NRXN3: variants seen among roughly 807,000 people sequenced by gnomAD.
NRXN3 encodes neurexin III.
A neutral mutation model predicts 137.6 loss-of-function variants in NRXN3; 32 were observed. The observed-to-expected ratio is 0.23, with a 90% CI of 0.18 to 0.31. The LOEUF is 0.31. Ranked by LOEUF, NRXN3 falls within the 10% of genes least tolerant of loss-of-function variation. NRXN3 has a pLI of 1.00. For synonymous variants in NRXN3, 798 were observed against 784.5 expected (o/e 1.02, Z -0.29); for missense variants, 1,574 against 2,062.5 (o/e 0.76, Z 4.59).
At chr14:79,357,188 A>G (rs1312334352) in intron 15 of NRXN3, among the ~76,000 whole-genome samples, 1 of 152,112 alleles carries the variant, frequency 6.6e-6, no homozygotes, top group Non-Finnish European at 1.5e-5. Context: ...ATGAAGTAAT[A>G]CAAGAGACAT....
At chr14:78,280,164 A>G (rs1014008987) in intron 3 of NRXN3, among the ~76,000 whole-genome samples, 9 of 152,324 alleles carry the variant, frequency 5.9e-5, no homozygotes, top group African/African-American at 2.2e-4. Flanking sequence ...AGTGAACAAA[A>G]CAGAAGACAT....
chr14:78,354,096 C>T (rs570736800), intron 4 of NRXN3, among the ~76,000 whole-genome samples: 88 of 152,232 alleles, frequency 5.8e-4, no homozygotes, highest in South Asian at 1.9e-3. Flanking sequence ...TAGATTTGCC[C>T]AAAAGGAAAG....
At chr14:79,045,615 G>A (rs2099631903) in intron 15 of NRXN3, among the ~76,000 whole-genome samples, 1 of 152,106 alleles carries the variant, frequency 6.6e-6, no homozygotes, top group Non-Finnish European at 1.5e-5. Context: ...TATAAAAGCA[G>A]CCTTTTTATT....
chr14:78,654,189 T>A (rs138538545), intron 6 of NRXN3, among the ~76,000 whole-genome samples: 1 of 152,232 alleles, frequency 6.6e-6, no homozygotes, highest in African/African-American at 2.4e-5. Flanking sequence ...GTATTTGTTT[T>A]TGATAAATCA....
chr14:78,841,012 AT>A (rs2099010856), intron 10 of NRXN3, among the ~76,000 whole-genome samples: 1 of 152,148 alleles, frequency 6.6e-6, no homozygotes, highest in African/African-American at 2.4e-5. Context: ...ACATGATGAA[AT>A]TAAAACTGGG....
chr14:79,540,430 C>T (rs1296424311), intron 16 of NRXN3, among the ~76,000 whole-genome samples: 1 of 152,096 alleles, frequency 6.6e-6, no homozygotes, highest in East Asian at 1.9e-4. Flanking sequence ...CTGGTGAGAG[C>T]ATTCAAAATC....
intron 15 of NRXN3, among the ~76,000 whole-genome samples, chr14:79,383,230 G>C (rs2094519676): frequency 1.3e-5 from 2 of 151,986 alleles, no homozygotes; most frequent in Admixed American, 6.6e-5. Flanking sequence ...AAATAGATTG[G>C]CACTGTGGAA....
chr14:79,176,114 T>C (rs1283723199), intron 15 of NRXN3, among the ~76,000 whole-genome samples: 1 of 152,198 alleles, frequency 6.6e-6, no homozygotes, highest in Non-Finnish European at 1.5e-5. Context: ...CTATTAATAC[T>C]CAGTAATATC....
intron 14 of NRXN3, among the ~76,000 whole-genome samples, chr14:78,986,202 C>T (rs990326817): frequency 6.6e-6 from 1 of 152,080 alleles, no homozygotes; most frequent in African/African-American, 2.4e-5. Context: ...GCTGTTATTG[C>T]AATGGTAATA....
intron 10 of NRXN3, 148 bp downstream of exon 10, chr14:78,810,492 G>C: frequency 5.5e-6 from 1 of 182,402 alleles, no homozygotes; most frequent in Non-Finnish European, 1.1e-5. Flanking sequence ...TAAGAAGATG[G>C]GGGGCTGGGT....
chr14:79,682,060 G>A (rs1306905890), intron 17 of NRXN3, among the ~76,000 whole-genome samples: 6 of 151,992 alleles, frequency 3.9e-5, no homozygotes, highest in Non-Finnish European at 8.8e-5. Flanking sequence ...CCACATTCAT[G>A]TTCCCTTGGA....
chr14:78,360,678 G>C (rs1368293516), intron 4 of NRXN3, among the ~76,000 whole-genome samples: 1 of 151,958 alleles, frequency 6.6e-6, no homozygotes, highest in South Asian at 2.1e-4. Flanking sequence ...ACATAGTAAG[G>C]GTTCAAGAAA....
At chr14:79,626,231 C>T (rs1042434670) in intron 16 of NRXN3, among the ~76,000 whole-genome samples, 8 of 152,136 alleles carry the variant, frequency 5.3e-5, no homozygotes, top group South Asian at 2.1e-4. Context: ...GTTCTTTCTC[C>T]TTTAGGGGGT....
At chr14:78,984,831 C>G (rs951721380) in intron 14 of NRXN3, among the ~76,000 whole-genome samples, 1 of 152,130 alleles carries the variant, frequency 6.6e-6, no homozygotes, top group African/African-American at 2.4e-5. Flanking sequence ...GCACTGTGAG[C>G]TAGGGACATA....
chr14:79,534,076 A>G (rs2097191628), intron 16 of NRXN3, among the ~76,000 whole-genome samples: 1 of 152,172 alleles, frequency 6.6e-6, no homozygotes, highest in African/African-American at 2.4e-5. Context: ...CTTGGAAAAA[A>G]TCAGAAACAA....
chr14:78,983,130 AAACAAC>A (rs961458727), intron 14 of NRXN3, among the ~76,000 whole-genome samples: 29 of 152,278 alleles, frequency 1.9e-4, no homozygotes, highest in African/African-American at 6.0e-4. Context: ...AAAAAGACAA[AAACAAC>A]AACAACAACA....
intron 4 of NRXN3, among the ~76,000 whole-genome samples, chr14:78,384,403 C>G (rs989548502): frequency 1.3e-5 from 2 of 152,028 alleles, no homozygotes; most frequent in African/African-American, 4.8e-5. Context: ...TGACAGTCAT[C>G]CACTAAGCTC....
At chr14:78,522,804 G>A (rs1204070175) in intron 4 of NRXN3, among the ~76,000 whole-genome samples, 1 of 152,146 alleles carries the variant, frequency 6.6e-6, no homozygotes, top group East Asian at 1.9e-4. Context: ...TGTTAAACAA[G>A]TAGAATGCAA....
chr14:79,187,384 G>A (rs944644316), intron 15 of NRXN3, among the ~76,000 whole-genome samples: 1 of 152,108 alleles, frequency 6.6e-6, no homozygotes, highest in Non-Finnish European at 1.5e-5. Context: ...CAATATTTCT[G>A]TGAGGTAGAA....
Sources: allele counts gnomAD v4.1 joint callset (sites outside exome capture counted in the v4.1 genomes callset), GRCh38; gene constraint gnomAD v4.1.1; transcripts MANE v1.5; gene names NCBI Gene and HGNC (gene_info 2026-07-23, HGNC 2026-07-21).